The following ABCC12 variants were observed in gnomAD, a reference collection of about 807,000 sequenced individuals.
The protein encoded by ABCC12 is ATP-binding cassette sub-family C member 12.
ABCC12 carries 142 observed loss-of-function variants against 151.1 expected under a neutral mutation model. The observed-to-expected ratio is 0.94, with a 90% CI of 0.82 to 1.08. The LOEUF (loss-of-function observed/expected upper bound fraction) is 1.08, where lower values mean the gene tolerates loss of function less well. ABCC12 is among the 50% of genes least tolerant of loss of function. The pLI is 0.00. For missense variants in ABCC12, 1,638 were observed against 1,691.1 expected, an observed-to-expected ratio of 0.97 and a Z score of 0.55; for synonymous variants, 645 against 646.4, an observed-to-expected ratio of 1.00 and a Z score of 0.03.
At chr16:48,121,646 C>G (rs1398425947) in intron 13 of ABCC12, 70 bp downstream of exon 13, 2 of 1,581,922 alleles carry the variant, frequency 1.3e-6, no homozygotes. Flanking sequence ...TCATTACCAA[C>G]AGCATCAGCA....
At chr16:48,152,446 G>A (rs971274998) in intron 2 of ABCC12, among the ~76,000 whole-genome samples, 1 of 152,210 alleles carries the variant, frequency 6.6e-6, no homozygotes, top group African/African-American at 2.4e-5. Context: ...CAGTCAAGCT[G>A]TGGTCCATGA....
chr16:48,085,499 GCTGAA>G, intron 29 of ABCC12, 89 bp downstream of exon 29: 1 of 1,052,854 alleles, frequency 9.5e-7, no homozygotes, highest in Admixed American at 1.9e-5. Flanking sequence ...CTGTCTCTTT[GCTGAA>G]AGACATACAC....
intron 8 of ABCC12, among the ~76,000 whole-genome samples, chr16:48,137,670 A>C (rs1964657062): frequency 6.6e-6 from 1 of 152,230 alleles, no homozygotes; most frequent in African/African-American, 2.4e-5. Flanking sequence ...GAACCACCTG[A>C]GTCTATGTCA....
intron 2 of ABCC12, among the ~76,000 whole-genome samples, chr16:48,148,705 A>T (rs1965075914): frequency 6.6e-6 from 1 of 151,744 alleles, no homozygotes; most frequent in African/African-American, 2.4e-5. Flanking sequence ...GCCATGTGGA[A>T]TATCTTACTA....
chr16:48,152,292 A>G (rs942013354), intron 2 of ABCC12, among the ~76,000 whole-genome samples: 1 of 152,188 alleles, frequency 6.6e-6, no homozygotes, highest in Non-Finnish European at 1.5e-5. Flanking sequence ...TCATTCTTGC[A>G]TAGGTCCTTG....
chr16:48,136,163 T>C (rs1392489028), intron 8 of ABCC12, among the ~76,000 whole-genome samples: 1 of 152,200 alleles, frequency 6.6e-6, no homozygotes, highest in East Asian at 1.9e-4. Flanking sequence ...CGAAGCCCAC[T>C]TCTCCTGGGA....
intron 11 of ABCC12, among the ~76,000 whole-genome samples, chr16:48,127,333 G>A (rs1964273171): frequency 6.6e-6 from 1 of 152,162 alleles, no homozygotes; most frequent in Non-Finnish European, 1.5e-5. Context: ...GCAAGAAGGA[G>A]ATGCATGCAG....
In ABCC12 at chr16:48,143,959, T is replaced by C. The variant is rs1241044286; in HGVS notation, c.226A>G (p.Thr76Ala). Residue 76 changes from threonine (T) to alanine (A), a missense_variant, in exon 4 of 31, where the codon ACC (threonine) becomes GCC (alanine). Coordinates refer to ENST00000311303, the MANE Select transcript of ABCC12 (RefSeq NM_001393797.1). The stretch of plus-strand genomic sequence containing the variant: ...TCATATGTCGACAATGGGGGCAGGG[T>C]GTCTACGGTCAGCCTTTGCCGGTAG... ...KGYRQRLTVD[T>A]LPPLSTYDSS... 6.2e-7 allele frequency: 1 copy of C among 1,614,066 alleles called. No individual in the cohort carries two copies. Among genetic ancestry groups the C allele is most frequent in the African/African-American group, 1.3e-5 (1 of 74,910 alleles).
At chr16:48,135,024 C>G (rs1007424712) in intron 8 of ABCC12, among the ~76,000 whole-genome samples, 2 of 150,902 alleles carry the variant, frequency 1.3e-5, no homozygotes, top group Non-Finnish European at 2.9e-5. Flanking sequence ...TGCACTCCAG[C>G]CTGGGCGAGA....
At chr16:48,123,263 T>A (rs1964131692) in intron 12 of ABCC12, among the ~76,000 whole-genome samples, 1 of 152,100 alleles carries the variant, frequency 6.6e-6, no homozygotes, top group Non-Finnish European at 1.5e-5. Context: ...AGTATTCACA[T>A]CATTATGTGG....
At chr16:48,085,832 G>T (rs1962572370) in intron 28 of ABCC12, 126 bp from the exon 29 acceptor site, 5 of 735,210 alleles carry the variant, frequency 6.8e-6, no homozygotes, top group Non-Finnish European at 9.3e-6. Context: ...CAAAGAAAGT[G>T]CAAAACAACA....
rs746382766 is a variant in ABCC12 at position 48,115,484 on chromosome 16, G to A, written c.1920C>T (p.His640=). The A allele has an allele frequency of 4.3e-6, 7 of 1,614,186 alleles. No homozygotes were observed. Among genetic ancestry groups the A allele is most frequent in the South Asian group, 1.1e-5 (1 of 91,076 alleles). The stretch of plus-strand genomic sequence containing the variant: ...TCTTCTTAATGCACTCCTCAAAGAC[G>A]TGCTTCCCCACGTGGGCGTCCACGG... ...LSAVDAHVGK[H]VFEECIKKTL... Residue 640 remains histidine (H), a synonymous_variant, in exon 15 of 31, where the codon CAC becomes CAT. Transcript: ENST00000311303.
chr16:48,094,643 C>G (rs1434995308), intron 24 of ABCC12, among the ~76,000 whole-genome samples: 1 of 152,206 alleles, frequency 6.6e-6, no homozygotes, highest in African/African-American at 2.4e-5. Flanking sequence ...CACATGGACA[C>G]ACACACATAA....
intron 2 of ABCC12, among the ~76,000 whole-genome samples, chr16:48,149,859 T>C (rs931631707): frequency 2.6e-5 from 4 of 152,200 alleles, no homozygotes; most frequent in African/African-American, 9.6e-5. Flanking sequence ...CAGGAAAATA[T>C]GAATTACAAC....
Position 48,124,198 on chromosome 16 carries a change from C to CAT in ABCC12, c.1587+13_1587+14dup. The CAT allele has an allele frequency of 6.2e-7, 1 of 1,612,992 alleles. No homozygotes were observed. The highest frequency in any genetic ancestry group is 1.3e-5 in the African/African-American group (1 of 75,040). On this transcript the variant is annotated intron_variant, in intron 12 of 30. Transcript: ENST00000311303. ...GTTAATGTTCCATCTTCACAGCACTCATCACACAGCTTACCTGTCCTAGGA... is the reference window on the plus strand; with the variant it reads ...GTTAATGTTCCATCTTCACAGCACTCATATCACACAGCTTACCTGTCCTAGGA...
At chr16:48,103,150 T>C (rs1963364994) in intron 22 of ABCC12, among the ~76,000 whole-genome samples, 2 of 152,338 alleles carry the variant, frequency 1.3e-5, no homozygotes, top group South Asian at 4.1e-4. Flanking sequence ...AGTCTAGGGT[T>C]TGTGGGCTGA....
intron 7 of ABCC12, among the ~76,000 whole-genome samples, chr16:48,138,600 G>C (rs1964692338): frequency 2.0e-5 from 3 of 152,164 alleles, no homozygotes; most frequent in Admixed American, 6.5e-5. Flanking sequence ...GACTCAAAGA[G>C]AGTGCTGGGG....
At chr16:48,110,197 T>C (rs1963636385) in intron 18 of ABCC12, among the ~76,000 whole-genome samples, 2 of 152,216 alleles carry the variant, frequency 1.3e-5, no homozygotes, top group African/African-American at 2.4e-5. Flanking sequence ...CAAGCACCAT[T>C]GAGGATGCCA....
Position 48,133,676 on chromosome 16 carries a change from C to T in ABCC12, c.1128+11G>A, listed in dbSNP as rs1299163042. 1 of 1,612,994 alleles carries T rather than the reference C, an allele frequency of 6.2e-7. No homozygotes were observed. The highest frequency in any genetic ancestry group is 1.7e-5 in the Admixed American group (1 of 59,914). Reference sequence around the variant, plus strand: ...GTTGTGAAAGAGCCTCGATCTGGAGCCAGCTCTTACCACGGGTGCGGTGAG... The same window carrying T: ...GTTGTGAAAGAGCCTCGATCTGGAGTCAGCTCTTACCACGGGTGCGGTGAG... On this transcript the variant is annotated intron_variant, in intron 9 of 30. Coordinates refer to ENST00000311303, the MANE Select transcript of ABCC12 (RefSeq NM_001393797.1).
Sources: gnomAD v4.1 joint callset for allele counts (sites outside exome capture counted in the v4.1 genomes callset) on GRCh38, gnomAD v4.1.1 for gene constraint, MANE v1.5 for transcripts, NCBI Gene and HGNC (gene_info 2026-07-23, HGNC 2026-07-21) for gene names.